Variants in KCNN2 observed in about 807,000 individuals in gnomAD.
KCNN2 encodes the protein small conductance calcium-activated potassium channel protein 2.
KCNN2 carries 24 observed loss-of-function variants against 55.5 expected under a neutral mutation model. The ratio of observed to expected loss-of-function variants is 0.43; its 90% CI spans 0.31 to 0.61. The LOEUF (loss-of-function observed/expected upper bound fraction) is 0.61. Among genes scored for constraint, KCNN2 ranks in the 20% least tolerant of loss-of-function variants. The pLI is 0.08. For missense variants in KCNN2, 754 were observed against 853.6 expected, an observed-to-expected ratio of 0.88 and a Z score of 1.45; for synonymous variants, 431 against 336.1, an observed-to-expected ratio of 1.28 and a Z score of -3.09.
chr5:114,081,922 CA>C (rs1204312990), intron 1 of KCNN2, among the ~76,000 whole-genome samples: 2 of 151,814 alleles, frequency 1.3e-5, no homozygotes, highest in East Asian at 3.9e-4. Flanking sequence ...TCAACAAAAG[CA>C]AACTAATTTT....
chr5:114,259,614 T>TATA (rs1405655007), intron 2 of KCNN2, among the ~76,000 whole-genome samples: 3 of 151,836 alleles, frequency 2.0e-5, no homozygotes, highest in Non-Finnish European at 4.4e-5. Flanking sequence ...AAACTTAAAG[T>TATA]ATAATAATAA....
rs900199177 is a variant in KCNN2, at chr5:114,460,123, C to T, written c.1638-2926C>T. On this transcript the variant is annotated intron_variant, in intron 3 of 7. Transcript: ENST00000673685. ...GCCAAAGTTGAAATTTCCCTGCAGGCAACGGCCATGAAGGTACCCCCTAGA... is the reference window on the plus strand; with the variant it reads ...GCCAAAGTTGAAATTTCCCTGCAGGTAACGGCCATGAAGGTACCCCCTAGA... Among the ~76,000 whole-genome samples the T allele has an allele frequency of 7.4e-4, 112 of 152,286 alleles. 1 individual carries two copies. The highest frequency in any genetic ancestry group is 3.9e-4 in the East Asian group (2 of 5,178).
intron 3 of KCNN2, among the ~76,000 whole-genome samples, chr5:114,461,620 A>AAGAT (rs1482678942): frequency 3.3e-5 from 5 of 152,314 alleles, no homozygotes; most frequent in South Asian, 2.1e-4. Context: ...TGTATGTCCA[A>AAGAT]AGATAGAGTG....
intron 1 of KCNN2, among the ~76,000 whole-genome samples, chr5:114,176,642 A>T (rs572611771): frequency 6.6e-6 from 1 of 152,240 alleles, no homozygotes; most frequent in South Asian, 2.1e-4. Flanking sequence ...TTTCATGCAG[A>T]TATAAAATAA....
At position 114,273,482 on chromosome 5, in the gene KCNN2, C is replaced by T. The variant is rs775385858; in HGVS notation, c.-185+51917C>T. On this transcript the variant is annotated intron_variant, in intron 2 of 10. Transcript: ENST00000512097. ...GTTGAACTAATTTACACTCCTACCA[C>T]GTTCCTATTTTTCCATATCCTCTCC... is the stretch of plus-strand genomic sequence containing the variant. Among the ~76,000 whole-genome samples the T allele has an allele frequency of 7.9e-5, 12 of 151,226 alleles. 1 individual carries two copies. Among genetic ancestry groups the T allele is most frequent in the African/African-American group, 2.2e-4 (9 of 41,330 alleles).
intron 1 of KCNN2, among the ~76,000 whole-genome samples, chr5:114,074,348 G>C (rs549387457): frequency 1.3e-5 from 2 of 152,098 alleles, no homozygotes; most frequent in South Asian, 4.2e-4. Flanking sequence ...GCGCCAGAGA[G>C]AAAGAGGGAA....
chr5:114,309,266 G>A (rs757934395), intron 2 of KCNN2, among the ~76,000 whole-genome samples: 2 of 152,230 alleles, frequency 1.3e-5, no homozygotes, highest in East Asian at 1.9e-4. Flanking sequence ...GGTAAATAGC[G>A]ATTCAAAATT....
intron 2 of KCNN2, among the ~76,000 whole-genome samples, chr5:114,255,031 C>T (rs529917255): frequency 6.6e-6 from 1 of 152,108 alleles, no homozygotes; most frequent in South Asian, 2.1e-4. Context: ...TGGAATGGCT[C>T]TATTGAGAGG....
intron 2 of KCNN2, among the ~76,000 whole-genome samples, chr5:114,254,682 AT>A (rs1754945752): frequency 6.6e-6 from 1 of 152,176 alleles, no homozygotes; most frequent in African/African-American, 2.4e-5. Context: ...GAGCTTTTGG[AT>A]TAAGCCTTTT....
chr5:114,495,443 A>G (rs577923249), intron 7 of KCNN2, among the ~76,000 whole-genome samples: 42 of 152,264 alleles, frequency 2.8e-4, no homozygotes, highest in Middle Eastern at 3.4e-3. Flanking sequence ...CTACATCCCA[A>G]TGCCATCTGT....
intron 3 of KCNN2, among the ~76,000 whole-genome samples, chr5:114,442,800 C>T (rs1029520958): frequency 6.6e-6 from 1 of 152,038 alleles, no homozygotes; most frequent in African/African-American, 2.4e-5. Flanking sequence ...TAAGTCTCAT[C>T]GGAACAGGAC....
At chr5:114,336,404 C>G (rs1028949115) in intron 2 of KCNN2, among the ~76,000 whole-genome samples, 2 of 152,106 alleles carry the variant, frequency 1.3e-5, no homozygotes, top group Non-Finnish European at 2.9e-5. Context: ...ATTTGAAATG[C>G]CTACTAGAAT....
chr5:114,489,189 T>C lies in KCNN2; in HGVS notation c.2018+2012T>C, dbSNP rs115132249. 4.5e-3 allele frequency among the ~76,000 whole-genome samples: 686 copies of C among 152,350 alleles called. 6 individuals are homozygous for C. The highest frequency in any genetic ancestry group is 4.8e-3 in the South Asian group (23 of 4,822). On this transcript the variant is annotated intron_variant, in intron 6 of 7. Coordinates refer to ENST00000673685, the MANE Select transcript of KCNN2 (RefSeq NM_021614.4). The stretch of plus-strand genomic sequence containing the variant: ...GTAATATAAGACTCTTCTGGACTAT[T>C]ATGTTCAGAATACATTCACATTCAA...
intron 2 of KCNN2, among the ~76,000 whole-genome samples, chr5:114,287,516 C>A (rs983732932): frequency 2.0e-5 from 3 of 151,500 alleles, no homozygotes; most frequent in Non-Finnish European, 4.4e-5. Flanking sequence ...CCAAACATCA[C>A]ATGTTCTCAC....
intron 2 of KCNN2, among the ~76,000 whole-genome samples, chr5:114,385,640 A>G (rs1758258177): frequency 6.6e-6 from 1 of 151,950 alleles, no homozygotes; most frequent in African/African-American, 2.4e-5. Context: ...TTTACCTAGA[A>G]TATACCACTT....
At chr5:114,190,528 T>C (rs1421109089) in intron 1 of KCNN2, among the ~76,000 whole-genome samples, 1 of 152,174 alleles carries the variant, frequency 6.6e-6, no homozygotes, top group Non-Finnish European at 1.5e-5. Flanking sequence ...GTATATTGTT[T>C]ATGAATATGT....
chr5:114,133,151 G>A (rs902857971), intron 1 of KCNN2, among the ~76,000 whole-genome samples: 5 of 152,038 alleles, frequency 3.3e-5, no homozygotes, highest in African/African-American at 1.2e-4. Context: ...ATTAGTTGGA[G>A]ACTGATAATT....
intron 2 of KCNN2, among the ~76,000 whole-genome samples, chr5:114,385,519 G>GCGCGCGCA (rs1458678711): frequency 2.1e-5 from 3 of 143,354 alleles, no homozygotes; most frequent in African/African-American, 7.9e-5. Context: ...ACACATGCGC[G>GCGCGCGCA]CACACACACA....
intron 3 of KCNN2, among the ~76,000 whole-genome samples, chr5:114,457,039 G>A (rs1021062173): frequency 1.3e-5 from 2 of 152,132 alleles, no homozygotes; most frequent in Non-Finnish European, 2.9e-5. Context: ...TCACGGTTTG[G>A]GAGGATTGAT....
Sources: gnomAD v4.1 joint callset for allele counts (sites outside exome capture counted in the v4.1 genomes callset) on GRCh38, gnomAD v4.1.1 for gene constraint, MANE v1.5 for transcripts, NCBI Gene and HGNC (gene_info 2026-07-23, HGNC 2026-07-21) for gene names.